TTC28: variants seen among roughly 807,000 people sequenced by gnomAD.
TTC28 encodes tetratricopeptide repeat domain 28, also known as tetratricopeptide repeat protein 28.
Under a neutral mutation model 198.0 loss-of-function variants are expected in TTC28, and 61 were observed. That is an observed-to-expected ratio of 0.31 (90% CI 0.25 to 0.38). The LOEUF (loss-of-function observed/expected upper bound fraction) is 0.38, where lower values mean the gene tolerates loss of function less well. Ranked by LOEUF, TTC28 falls within the 10% of genes least tolerant of loss-of-function variation. The probability of loss-of-function intolerance (pLI) is 1.00; values close to 1 mark genes in which losing one functional copy is unlikely to be tolerated. For missense variants in TTC28, 2,678 were observed against 3,164.0 expected (o/e 0.85, Z 3.69); for synonymous variants, 1,171 against 1,297.8 (o/e 0.90, Z 2.10).
intron 1 of TTC28, among the ~76,000 whole-genome samples, chr22:28,671,042 T>C (rs2051871406): frequency 6.6e-6 from 1 of 152,020 alleles, no homozygotes; most frequent in African/African-American, 2.4e-5. Context: ...CAGGCTGGAG[T>C]GCAGCAGTGT....
chr22:28,309,888 G>A (rs2045222169), intron 2 of TTC28, among the ~76,000 whole-genome samples: 1 of 152,128 alleles, frequency 6.6e-6, no homozygotes, highest in African/African-American at 2.4e-5. Context: ...TAGCCAAGAA[G>A]AAGAGAAATG....
intron 6 of TTC28, among the ~76,000 whole-genome samples, chr22:28,162,382 C>A (rs1437879033): frequency 6.6e-6 from 1 of 152,076 alleles, no homozygotes; most frequent in Non-Finnish European, 1.5e-5. Context: ...GTTAATTCAC[C>A]AAGTAAAGAA....
intron 5 of TTC28, among the ~76,000 whole-genome samples, chr22:28,264,184 T>C (rs1477563701): frequency 6.6e-6 from 1 of 152,118 alleles, no homozygotes; most frequent in African/African-American, 2.4e-5. Flanking sequence ...ATTTTTCCCA[T>C]GCTGCTGTCA....
chr22:28,491,370 G>A (rs2048375202), intron 2 of TTC28, among the ~76,000 whole-genome samples: 1 of 151,968 alleles, frequency 6.6e-6, no homozygotes, highest in African/African-American at 2.4e-5. Flanking sequence ...TCTGACAAAG[G>A]GCTAATATCC....
chr22:28,636,116 C>T (rs1391614935), intron 1 of TTC28, among the ~76,000 whole-genome samples: 1 of 133,214 alleles, frequency 7.5e-6, no homozygotes, highest in Non-Finnish European at 1.6e-5. Context: ...CATATTGTTG[C>T]AAATGTCAGG....
chr22:28,136,222 C>A (rs764830538), intron 6 of TTC28, among the ~76,000 whole-genome samples: 6 of 152,146 alleles, frequency 3.9e-5, no homozygotes, highest in Non-Finnish European at 7.4e-5. Flanking sequence ...ATAGCTCATT[C>A]TAGCCTGGAA....
At chr22:28,490,315 T>A (rs1601462592) in intron 2 of TTC28, among the ~76,000 whole-genome samples, 2 of 152,302 alleles carry the variant, frequency 1.3e-5, no homozygotes, top group South Asian at 4.1e-4. Context: ...GTAACAACAT[T>A]TTTTTTCTTG....
intron 6 of TTC28, among the ~76,000 whole-genome samples, chr22:28,115,479 G>T (rs959807745): frequency 1.3e-5 from 2 of 152,166 alleles, no homozygotes; most frequent in African/African-American, 4.8e-5. Context: ...ATACTGCTGT[G>T]GCAAACCAAG....
chr22:28,453,761 G>A (rs695797), intron 2 of TTC28, among the ~76,000 whole-genome samples: 117,607 of 152,158 alleles, frequency 0.77, 45,657 homozygotes, highest in South Asian at 0.85. Flanking sequence ...GTCTACTACA[G>A]TATCTTCCGC....
At chr22:28,429,511 C>T (rs1259134765) in intron 2 of TTC28, among the ~76,000 whole-genome samples, 1 of 152,104 alleles carries the variant, frequency 6.6e-6, no homozygotes, top group Non-Finnish European at 1.5e-5. Flanking sequence ...ATTTTAAAAC[C>T]CCAGCAGCTC....
chr22:28,381,965 A>G (rs1209000705), intron 2 of TTC28, among the ~76,000 whole-genome samples: 1 of 152,182 alleles, frequency 6.6e-6, no homozygotes, highest in Non-Finnish European at 1.5e-5. Flanking sequence ...GAAAGTGCCA[A>G]TTCCTCGGCA....
chr22:28,078,290 T>C (rs539151086), intron 12 of TTC28, among the ~76,000 whole-genome samples: 56 of 152,238 alleles, frequency 3.7e-4, no homozygotes, highest in Non-Finnish European at 7.5e-4. Context: ...TCCCAAGGCA[T>C]AGAGACTCAG....
At chr22:28,556,020 A>T (rs2049780059) in intron 2 of TTC28, among the ~76,000 whole-genome samples, 1 of 151,972 alleles carries the variant, frequency 6.6e-6, no homozygotes, top group Non-Finnish European at 1.5e-5. Context: ...CCTTTAGTGA[A>T]GGGTTCATGG....
At chr22:28,252,747 A>G (rs2147277512) in intron 5 of TTC28, among the ~76,000 whole-genome samples, 1 of 152,342 alleles carries the variant, frequency 6.6e-6, no homozygotes, top group South Asian at 2.1e-4. Flanking sequence ...TAGCTCACCC[A>G]GCAAGCCCAG....
Position 28,073,481 on chromosome 22 carries a change from G to A in TTC28, c.3932+20599C>T, listed in dbSNP as rs557163147. ...GTGCTTGCAGATGCTCACCCACACA[G>A]AGGTGTGTGCTATGTTAAGGGAAGA... On this transcript the variant is annotated intron_variant, in intron 12 of 22. Coordinates refer to ENST00000397906, the MANE Select transcript of TTC28 (RefSeq NM_001145418.2). Among the ~76,000 whole-genome samples the A allele has an allele frequency of 2.0e-5, 3 of 152,338 alleles. No individual in the cohort carries two copies. In the South Asian group the frequency reaches 6.2e-4, roughly 32 times the overall value.
chr22:28,645,666 G>A (rs564898976), intron 1 of TTC28, among the ~76,000 whole-genome samples: 1 of 151,766 alleles, frequency 6.6e-6, no homozygotes, highest in African/African-American at 2.4e-5. Context: ...TGATCAAGCG[G>A]GTTTCATCCT....
intron 3 of TTC28, among the ~76,000 whole-genome samples, chr22:28,304,330 T>G (rs1054598435): frequency 5.9e-5 from 9 of 151,352 alleles, no homozygotes; most frequent in Admixed American, 5.9e-4. Context: ...ATTTTGTCAA[T>G]TACAACCATA....
intron 2 of TTC28, among the ~76,000 whole-genome samples, chr22:28,609,653 G>A (rs2146144737): frequency 6.6e-6 from 1 of 152,120 alleles, no homozygotes; most frequent in Non-Finnish European, 1.5e-5. Flanking sequence ...GTGGCCATTT[G>A]GACAGACACC....
At chr22:28,043,224 C>T (rs1939727252) in intron 12 of TTC28, among the ~76,000 whole-genome samples, 2 of 88,034 alleles carry the variant, frequency 2.3e-5, no homozygotes, top group Non-Finnish European at 4.0e-5. Flanking sequence ...GCCTGCATAA[C>T]AGAGTAAGAC....
Sources: gnomAD v4.1 joint callset for allele counts (sites outside exome capture counted in the v4.1 genomes callset) on GRCh38, gnomAD v4.1.1 for gene constraint, MANE v1.5 for transcripts, NCBI Gene and HGNC (gene_info 2026-07-23, HGNC 2026-07-21) for gene names.